The following UBXN2A variants were observed in gnomAD, a reference collection of about 807,000 sequenced individuals.
UBXN2A encodes the protein UBX domain protein 2A.
UBXN2A carries 28 observed loss-of-function variants against 28.4 expected under a neutral mutation model. That is an observed-to-expected ratio of 0.99 (90% confidence interval 0.73 to 1.35). The LOEUF is 1.35. Ranked by LOEUF, UBXN2A falls within the 40% of genes most tolerant of loss-of-function variation. The probability of loss-of-function intolerance (pLI) is 0.00; values close to 1 mark genes in which losing one functional copy is unlikely to be tolerated. For synonymous variants in UBXN2A, 97 were observed against 103.6 expected (o/e 0.94, Z 0.39); for missense variants, 253 against 297.9 (o/e 0.85, Z 1.11).
chr2:23,961,854 T>C (rs113366664), intron 2 of UBXN2A, among the ~76,000 whole-genome samples: 9,707 of 150,048 alleles, frequency 0.065, 401 homozygotes, highest in African/African-American at 0.12. Context: ...CCTTTTTTTT[T>C]TATTTTTTGA....
At chr2:23,935,378 T>C (rs1327785629) in intron 1 of UBXN2A, among the ~76,000 whole-genome samples, 1 of 151,796 alleles carries the variant, frequency 6.6e-6, no homozygotes, top group Non-Finnish European at 1.5e-5. Context: ...CAAAAACTCC[T>C]GTAACTCAAC....
At chr2:23,951,644 A>G (rs1019768981) in intron 1 of UBXN2A, among the ~76,000 whole-genome samples, 1 of 151,794 alleles carries the variant, frequency 6.6e-6, no homozygotes, top group Non-Finnish European at 1.5e-5. Context: ...TGTTTTTAGT[A>G]GAGACGGGGT....
chr2:23,969,450 C>T (rs1485780103), intron 2 of UBXN2A, among the ~76,000 whole-genome samples: 3 of 151,928 alleles, frequency 2.0e-5, no homozygotes, highest in Non-Finnish European at 4.4e-5. Context: ...GTGACCTCCA[C>T]CTCCCAGGTT....
chr2:23,928,222 G>GAAAGAAAGAAAGAA (rs1160770608), intron 1 of UBXN2A, among the ~76,000 whole-genome samples: 16 of 131,294 alleles, frequency 1.2e-4, no homozygotes, highest in Non-Finnish European at 1.9e-4. Context: ...AGAAAGAAAG[G>GAAAGAAAGAAAGAA]AAAGAAAGAA....
intron 6 of UBXN2A, among the ~76,000 whole-genome samples, chr2:23,995,812 T>C (rs1007070849): frequency 2.0e-5 from 3 of 152,196 alleles, no homozygotes; most frequent in African/African-American, 7.2e-5. Flanking sequence ...CCAGCTTTTA[T>C]AGCAATATTT....
intron 1 of UBXN2A, among the ~76,000 whole-genome samples, chr2:23,934,274 A>G (rs1194767087): frequency 6.6e-6 from 1 of 152,240 alleles, no homozygotes; most frequent in Non-Finnish European, 1.5e-5. Context: ...TACTAGCCAC[A>G]TGTAGTTATT....
At chr2:23,938,547 CCCCCT>C (rs200068441), upstream of UBXN2A, among the ~76,000 whole-genome samples, 3,367 of 149,538 alleles carry the variant, frequency 0.023, 135 homozygotes, top group African/African-American at 0.079. Context: ...CCAGTGGCCC[CCCCCT>C]CCCTTTTTTT....
At chr2:23,985,279 C>T (rs1364968976) in intron 6 of UBXN2A, among the ~76,000 whole-genome samples, 2 of 151,510 alleles carry the variant, frequency 1.3e-5, no homozygotes, top group East Asian at 1.9e-4. Context: ...GTCGGAGTCT[C>T]GCTCTGTTGC....
At chr2:23,928,868 C>T (rs960246094) in intron 1 of UBXN2A, among the ~76,000 whole-genome samples, 3 of 152,192 alleles carry the variant, frequency 2.0e-5, no homozygotes, top group African/African-American at 4.8e-5. Context: ...CTGGACACTT[C>T]ACCTGCCACT....
chr2:23,951,988 A>G (rs367688942), intron 1 of UBXN2A, among the ~76,000 whole-genome samples: 6 of 137,154 alleles, frequency 4.4e-5, no homozygotes, highest in Non-Finnish European at 9.4e-5. Flanking sequence ...TTTTTTTGAG[A>G]CAGAGTCTCA....
upstream of UBXN2A, among the ~76,000 whole-genome samples, chr2:23,936,242 T>C (rs1331157791): frequency 6.6e-6 from 1 of 152,108 alleles, no homozygotes; most frequent in African/African-American, 2.4e-5. Flanking sequence ...ATGTAATATA[T>C]ACATACAATG....
intron 2 of UBXN2A, among the ~76,000 whole-genome samples, chr2:23,963,444 C>A (rs1707023690): frequency 6.7e-6 from 1 of 149,702 alleles, no homozygotes; most frequent in Non-Finnish European, 1.5e-5. Context: ...TGCACTCCAG[C>A]CTGAGTGAAA....
chr2:23,952,528 T>C (rs1195329620), intron 1 of UBXN2A, among the ~76,000 whole-genome samples: 2 of 152,148 alleles, frequency 1.3e-5, no homozygotes, highest in Admixed American at 6.6e-5. Flanking sequence ...CACCACAATC[T>C]CCACCTCCCG....
chr2:23,930,061 T>C (rs1365708877), intron 1 of UBXN2A, among the ~76,000 whole-genome samples: 1 of 152,064 alleles, frequency 6.6e-6, no homozygotes, highest in Non-Finnish European at 1.5e-5. Flanking sequence ...GCTAATTTTT[T>C]GTAGTTTTAG....
chr2:23,932,616 A>T (rs1287097638), intron 1 of UBXN2A, among the ~76,000 whole-genome samples: 1 of 152,196 alleles, frequency 6.6e-6, no homozygotes, highest in Non-Finnish European at 1.5e-5. Context: ...ACAGGTTTAC[A>T]GCCTGAATTC....
At chr2:23,944,271 C>T in intron 1 of UBXN2A, 6 of 1,604,912 alleles carry the variant, frequency 3.7e-6, no homozygotes, top group Non-Finnish European at 5.1e-6. Context: ...AGGAAAAGGC[C>T]TGAAGATTCC....
At chr2:23,979,033 A>G (rs556093659) in intron 4 of UBXN2A, among the ~76,000 whole-genome samples, 1 of 151,892 alleles carries the variant, frequency 6.6e-6, no homozygotes, top group Non-Finnish European at 1.5e-5. Context: ...GGTCTAGAAA[A>G]TTTTTTTAAG....
intron 1 of UBXN2A, among the ~76,000 whole-genome samples, chr2:23,949,448 G>T (rs1331751402): frequency 1.3e-5 from 2 of 151,770 alleles, no homozygotes; most frequent in Non-Finnish European, 2.9e-5. Flanking sequence ...GCACATGCCT[G>T]TAGTCCCCAG....
At chr2:23,986,739 C>T (rs549465678) in intron 6 of UBXN2A, among the ~76,000 whole-genome samples, 1 of 152,016 alleles carries the variant, frequency 6.6e-6, no homozygotes, top group African/African-American at 2.4e-5. Context: ...TCCTGAGTAG[C>T]TGGGATTACA....
Sources: gnomAD v4.1 joint callset for allele counts (sites outside exome capture counted in the v4.1 genomes callset) on GRCh38, gnomAD v4.1.1 for gene constraint, MANE v1.5 for transcripts, NCBI Gene and HGNC (gene_info 2026-07-23, HGNC 2026-07-21) for gene names.